Variants in ZC3H14 observed in about 807,000 individuals in gnomAD.
ZC3H14 encodes zinc finger CCCH-type containing 14, also known as zinc finger CCCH domain-containing protein 14.
Under a neutral mutation model 92.4 loss-of-function variants are expected in ZC3H14, and 31 were observed. That is an observed-to-expected ratio of 0.34 (90% CI 0.25 to 0.45). The LOEUF (loss-of-function observed/expected upper bound fraction) is 0.45, where lower values mean the gene tolerates loss of function less well. Among genes scored for constraint, ZC3H14 ranks in the 20% least tolerant of loss-of-function variants. ZC3H14 has a pLI of 1.00. For missense variants in ZC3H14, 781 were observed against 897.3 expected, an observed-to-expected ratio of 0.87 and a Z score of 1.66; for synonymous variants, 321 against 300.9, an observed-to-expected ratio of 1.07 and a Z score of -0.69.
At chr14:88,587,609 A>G (rs905304318) in intron 9 of ZC3H14, among the ~76,000 whole-genome samples, 3 of 152,144 alleles carry the variant, frequency 2.0e-5, no homozygotes, top group African/African-American at 4.8e-5. Flanking sequence ...GACTTAGTCG[A>G]TTGACTCTAA....
intron 15 of ZC3H14, 63 bp from the exon 16 acceptor site, chr14:88,610,766 TAATAA>T: frequency 1.3e-6 from 2 of 1,493,250 alleles, no homozygotes; most frequent in Admixed American, 1.7e-5. Context: ...CTGTCTCAAA[TAATAA>T]AATAATGTGT....
rs1013227258 is a variant in ZC3H14 at position 88,602,770 on chromosome 14, G to A, written c.1515-58G>A. ...AGTTCTGCTGAAGAGCACTTTAGGG[G>A]GCTCAGCGTTTTGTGTTTGTTTCCC... On this transcript the variant is annotated intron_variant, in intron 11 of 16. Transcript: ENST00000251038. 1.1e-5 allele frequency: 17 copies of A among 1,559,770 alleles called. No homozygotes were observed. The East Asian group carries it at 1.4e-4, about 12-fold the overall frequency.
Position 88,615,745 on chromosome 14 carries a change from A to C in ZC3H14, c.*3994A>C, listed in dbSNP as rs2087495416. The C allele has an allele frequency of 3.5e-6, 5 of 1,448,982 alleles. No homozygotes were observed. The East Asian group carries it at 1.2e-4, about 34-fold the overall frequency. The allele number at this position is 1,448,982 out of a possible 1,614,324, so 89.8% of individuals were successfully genotyped here. A position where few individuals can be genotyped will look rare whatever the true frequency, so the allele number is the denominator to read the frequency against. ...TTGGGTTAGCACCACTTGACCATGCAGGGTTGGGTTTTGGTTTTTCTTCTC... is the reference window on the plus strand; with the variant it reads ...TTGGGTTAGCACCACTTGACCATGCCGGGTTGGGTTTTGGTTTTTCTTCTC... On this transcript the variant is annotated 3_prime_UTR_variant, in exon 17 of 17. Coordinates refer to ENST00000251038, the MANE Select transcript of ZC3H14 (RefSeq NM_024824.5).
At position 88,624,823 on chromosome 14, in the gene ZC3H14, C is replaced by T. The variant is rs2089671209; in HGVS notation, c.*13072C>T. 10 of 855,666 alleles carry T rather than the reference C, an allele frequency of 1.2e-5. No homozygotes were observed. 53.0% of individuals were successfully genotyped at this position (855,666 alleles called of 1,614,324 possible). A position where few individuals can be genotyped will look rare whatever the true frequency, so the allele number is the denominator to read the frequency against. Reference sequence around the variant, plus strand: ...CCAGAAATGAGAATCAAATAGAAGGCACATAAAAGGTAATAAAGGAGAAGC... The same window carrying T: ...CCAGAAATGAGAATCAAATAGAAGGTACATAAAAGGTAATAAAGGAGAAGC... On this transcript the variant is annotated 3_prime_UTR_variant, in exon 17 of 17. Coordinates refer to ENST00000251038, the MANE Select transcript of ZC3H14 (RefSeq NM_024824.5).
rs1404446323 is a variant in ZC3H14 at position 88,618,104 on chromosome 14, A to T, written c.*6353A>T. 1.1e-5 allele frequency: 7 copies of T among 655,014 alleles called. No homozygotes were observed. The highest frequency in any genetic ancestry group is 2.6e-5 in the South Asian group (1 of 39,150). The allele number at this position is 655,014 out of a possible 1,614,324, so 40.6% of individuals were successfully genotyped here. A position where few individuals can be genotyped will look rare whatever the true frequency, so the allele number is the denominator to read the frequency against. On this transcript the variant is annotated 3_prime_UTR_variant, in exon 17 of 17. Transcript: ENST00000251038. The stretch of plus-strand genomic sequence containing the variant: ...CAACATGAACATACCATTTCAAAAT[A>T]TGGTAACAAAAACTTGAAACTCAAT...
intron 9 of ZC3H14, among the ~76,000 whole-genome samples, chr14:88,582,993 G>T: frequency 6.7e-6 from 1 of 149,108 alleles, no homozygotes; most frequent in African/African-American, 2.5e-5. Flanking sequence ...TGTACTTTTT[G>T]CTTTTTGTCT....
chr14:88,580,040 A>T (rs1294207753), intron 9 of ZC3H14, among the ~76,000 whole-genome samples: 1 of 152,164 alleles, frequency 6.6e-6, no homozygotes, highest in African/African-American at 2.4e-5. Flanking sequence ...TCGACAAAAA[A>T]TAAAAATATT....
Position 88,618,040 on chromosome 14 carries a change from C to T in ZC3H14, c.*6289C>T. On this transcript the variant is annotated 3_prime_UTR_variant, in exon 17 of 17. Coordinates refer to ENST00000251038, the MANE Select transcript of ZC3H14 (RefSeq NM_024824.5). ...AAAAAAACTTGATAAATCATGGAAACTGATAAAACATGGAAATATATTCAA... is the reference window on the plus strand; with the variant it reads ...AAAAAAACTTGATAAATCATGGAAATTGATAAAACATGGAAATATATTCAA... The T allele has an allele frequency of 2.6e-6, 1 of 382,684 alleles. No homozygotes were observed. The highest frequency in any genetic ancestry group is 4.0e-5 in the East Asian group (1 of 25,060). 23.7% of individuals were successfully genotyped at this position (382,684 alleles called of 1,614,324 possible).
chr14:88,586,019 T>A (rs1399835072), intron 9 of ZC3H14, among the ~76,000 whole-genome samples: 1 of 152,018 alleles, frequency 6.6e-6, no homozygotes, highest in Non-Finnish European at 1.5e-5. Flanking sequence ...AATAGAAAAA[T>A]TAGCCAGGCA....
chr14:88,595,014 A>C, intron 9 of ZC3H14: 1 of 1,613,818 alleles, frequency 6.2e-7, no homozygotes, highest in Non-Finnish European at 8.5e-7. Flanking sequence ...CAACATATGA[A>C]TGCAACAGAC....
intron 11 of ZC3H14, 91 bp downstream of exon 11, chr14:88,602,174 A>G: frequency 6.4e-7 from 1 of 1,570,850 alleles, no homozygotes; most frequent in Non-Finnish European, 8.7e-7. Flanking sequence ...TCCCCGCCCT[A>G]ACCGCTAGCG....
chr14:88,571,792 C>T (rs1425520449), intron 4 of ZC3H14, among the ~76,000 whole-genome samples: 2 of 151,970 alleles, frequency 1.3e-5, no homozygotes, highest in East Asian at 3.9e-4. Context: ...GGTGAATCTC[C>T]GTCTCTACTA....
intron 15 of ZC3H14, among the ~76,000 whole-genome samples, chr14:88,610,494 T>A (rs1335672777): frequency 6.6e-6 from 1 of 152,066 alleles, no homozygotes; most frequent in Non-Finnish European, 1.5e-5. Context: ...TAGGGTGGGC[T>A]GGTTATTGTC....
chr14:88,598,170 G>A (rs758692215), intron 10 of ZC3H14, among the ~76,000 whole-genome samples: 3 of 152,088 alleles, frequency 2.0e-5, no homozygotes, highest in Non-Finnish European at 2.9e-5. Flanking sequence ...ACATTTAAGA[G>A]TGGAGCACTC....
rs1190684736 is a variant in ZC3H14, at chr14:88,575,943, A to G, written c.1123+3A>G. The G allele has an allele frequency of 1.3e-6, 2 of 1,595,386 alleles. No individual in the cohort carries two copies. Among genetic ancestry groups the G allele is most frequent in the South Asian group, 2.2e-5 (2 of 90,688 alleles). On this transcript the variant is annotated splice_donor_region_variant and intron_variant, in intron 8 of 16. Coordinates refer to ENST00000251038, the MANE Select transcript of ZC3H14 (RefSeq NM_024824.5). ...AAAAACAACTAACTACTCTACAGGT[A>G]ATTTAAATGTATTATGTTTACACTT... is the stretch of plus-strand genomic sequence containing the variant.
At chr14:88,575,569 A>G (rs983225080) in intron 7 of ZC3H14, among the ~76,000 whole-genome samples, 1 of 152,068 alleles carries the variant, frequency 6.6e-6, no homozygotes, top group Non-Finnish European at 1.5e-5. Context: ...TGTGGCAGGC[A>G]CCTGTAGTCC....
At position 88,572,029 on chromosome 14, in the gene ZC3H14, G is replaced by A; in HGVS notation, c.236-1G>A. 1 of 1,611,578 alleles carries A rather than the reference G, an allele frequency of 6.2e-7. No homozygotes were observed. Among genetic ancestry groups the A allele is most frequent in the Non-Finnish European group, 8.5e-7 (1 of 1,179,096 alleles). ...TAAAAGGACTGTATTTTTCTTTTCAGAACCCTCTAGTCTGAAGTCTTCTGA... is the reference window on the plus strand; with the variant it reads ...TAAAAGGACTGTATTTTTCTTTTCAAAACCCTCTAGTCTGAAGTCTTCTGA... On this transcript the variant is annotated splice_acceptor_variant, in intron 4 of 16. Transcript: ENST00000251038. LOFTEE classifies it high-confidence loss of function.
intron 10 of ZC3H14, among the ~76,000 whole-genome samples, chr14:88,600,365 C>T (rs139454335): frequency 5.3e-4 from 81 of 152,330 alleles, no homozygotes; most frequent in African/African-American, 1.9e-3. Context: ...TCTGGTTCTT[C>T]CTTAACACTG....
chr14:88,563,096 G>T lies in ZC3H14; in HGVS notation c.-38G>T. On this transcript the variant is annotated 5_prime_UTR_variant, in exon 1 of 17. Coordinates refer to ENST00000251038, the MANE Select transcript of ZC3H14 (RefSeq NM_024824.5). ...CCGCGGCAGCCTCCGGGTAAGCCAAGCGCCGCGCAGTGCTGAGTTCCCGCA... is the reference window on the plus strand; with the variant it reads ...CCGCGGCAGCCTCCGGGTAAGCCAATCGCCGCGCAGTGCTGAGTTCCCGCA... The T allele has an allele frequency of 1.9e-6, 3 of 1,568,028 alleles. No individual in the cohort carries two copies. Among genetic ancestry groups the T allele is most frequent in the Non-Finnish European group, 2.6e-6 (3 of 1,163,248 alleles).
Sources: allele counts gnomAD v4.1 joint callset (sites outside exome capture counted in the v4.1 genomes callset), GRCh38; gene constraint gnomAD v4.1.1; transcripts MANE v1.5; gene names NCBI Gene and HGNC (gene_info 2026-07-23, HGNC 2026-07-21).